Variants in CSMD3 observed in about 807,000 individuals in gnomAD.
The protein encoded by CSMD3 is CUB and Sushi multiple domains 3, also known as CUB and sushi domain-containing protein 3.
In CSMD3, 177 loss-of-function variants were observed where a neutral mutation model predicts 435.2. The ratio of observed to expected loss-of-function variants is 0.41; its 90% CI spans 0.36 to 0.46. The LOEUF (loss-of-function observed/expected upper bound fraction) is 0.46. Among genes scored for constraint, CSMD3 ranks in the 20% least tolerant of loss-of-function variants. CSMD3 has a pLI of 0.34. For missense variants in CSMD3, 4,265 were observed against 4,504.6 expected (o/e 0.95, Z 1.52); for synonymous variants, 1,656 against 1,520.5 (o/e 1.09, Z -2.07).
At chr8:112,868,673 A>C (rs2081051225) in intron 10 of CSMD3, among the ~76,000 whole-genome samples, 1 of 152,174 alleles carries the variant, frequency 6.6e-6, no homozygotes, top group Admixed American at 6.5e-5. Context: ...ACAGATAGAT[A>C]ATGAAACAGA....
intron 7 of CSMD3, among the ~76,000 whole-genome samples, chr8:112,969,408 T>A (rs931733604): frequency 1.3e-5 from 2 of 152,002 alleles, no homozygotes; most frequent in African/African-American, 2.4e-5. Flanking sequence ...CTAGAGTTTC[T>A]TTTAAGCTCT....
At chr8:112,955,225 A>C (rs1390689549) in intron 7 of CSMD3, among the ~76,000 whole-genome samples, 1 of 151,720 alleles carries the variant, frequency 6.6e-6, no homozygotes, top group Non-Finnish European at 1.5e-5. Context: ...TAAGAAAATG[A>C]CTTAATTAGA....
intron 4 of CSMD3, among the ~76,000 whole-genome samples, chr8:113,168,096 C>T (rs1360385973): frequency 2.0e-5 from 3 of 151,960 alleles, no homozygotes; most frequent in East Asian, 3.9e-4. Flanking sequence ...TCTTCTTTGG[C>T]GTAAAAGAGG....
chr8:113,247,241 G>A (rs949032373), intron 3 of CSMD3, among the ~76,000 whole-genome samples: 2 of 152,114 alleles, frequency 1.3e-5, no homozygotes, highest in African/African-American at 4.8e-5. Context: ...CTGGAGATAA[G>A]GATCTTCCCA....
intron 3 of CSMD3, among the ~76,000 whole-genome samples, chr8:113,228,495 A>G (rs373079458): frequency 5.9e-5 from 9 of 151,660 alleles, no homozygotes; most frequent in African/African-American, 1.9e-4. Context: ...TACATTCCCT[A>G]TACTGGAAAA....
At chr8:112,796,330 A>C (rs2078828574) in intron 13 of CSMD3, among the ~76,000 whole-genome samples, 2 of 152,124 alleles carry the variant, frequency 1.3e-5, no homozygotes. Context: ...TATGTTAGGC[A>C]TCAGGCTAGA....
intron 4 of CSMD3, among the ~76,000 whole-genome samples, chr8:113,155,618 A>G (rs1270628291): frequency 2.0e-5 from 3 of 152,074 alleles, no homozygotes; most frequent in Admixed American, 2.0e-4. Context: ...GTACAGTTGG[A>G]AAAACAAATC....
intron 3 of CSMD3, among the ~76,000 whole-genome samples, chr8:113,253,232 G>A (rs1464067461): frequency 6.6e-6 from 1 of 151,546 alleles, no homozygotes; most frequent in East Asian, 1.9e-4. Flanking sequence ...AAAAAAAACT[G>A]ACTTTTTTTT....
intron 6 of CSMD3, among the ~76,000 whole-genome samples, chr8:112,977,883 GATA>G (rs1168604885): frequency 2.0e-5 from 3 of 151,896 alleles, no homozygotes; most frequent in Non-Finnish European, 4.4e-5. Context: ...GCTAATATTT[GATA>G]ATAATTTTTT....
At chr8:112,525,053 T>C (rs534993161) in intron 27 of CSMD3, among the ~76,000 whole-genome samples, 15 of 151,976 alleles carry the variant, frequency 9.9e-5, no homozygotes, top group African/African-American at 3.6e-4. Flanking sequence ...ATACTATTTT[T>C]AATTGAGAAA....
chr8:112,246,529 G>A (rs1382236576), intron 64 of CSMD3, among the ~76,000 whole-genome samples: 4 of 152,190 alleles, frequency 2.6e-5, no homozygotes, highest in Non-Finnish European at 5.9e-5. Context: ...GCTCTCCACT[G>A]AGGATCAGAG....
chr8:112,478,779 C>G (rs1486352465), intron 31 of CSMD3, among the ~76,000 whole-genome samples: 1 of 152,114 alleles, frequency 6.6e-6, no homozygotes, highest in African/African-American at 2.4e-5. Context: ...AACCCGCGAC[C>G]CAGAGTGAGA....
intron 3 of CSMD3, among the ~76,000 whole-genome samples, chr8:113,188,662 G>T (rs918876058): frequency 2.0e-5 from 3 of 151,966 alleles, no homozygotes; most frequent in Admixed American, 6.6e-5. Flanking sequence ...AGAAGGGCTT[G>T]TTCCAGTTGG....
chr8:112,820,239 T>C (rs1372044420), intron 12 of CSMD3, among the ~76,000 whole-genome samples: 1 of 152,154 alleles, frequency 6.6e-6, no homozygotes, highest in Non-Finnish European at 1.5e-5. Flanking sequence ...TTTGAGGCAC[T>C]TGACATCAAA....
rs1203991072 is a variant in CSMD3 at position 112,794,285 on chromosome 8, C to CTT, written c.1972+5875_1972+5876dup. 3.8e-3 allele frequency among the ~76,000 whole-genome samples: 363 copies of CTT among 96,334 alleles called. 31 individuals are homozygous for CTT. The highest frequency in any genetic ancestry group is 0.011 in the African/African-American group (273 of 25,812). 63.2% of individuals were successfully genotyped at this position (96,334 alleles called of 152,430 possible). On this transcript the variant is annotated intron_variant, in intron 13 of 70. Transcript: ENST00000297405. ...TTGCCCCAGATGCTGGACTGATAAA[C>CTT]TTTTTTTTTTTTTTTTTTTTTTTTT... is the stretch of plus-strand genomic sequence containing the variant.
Position 112,223,127 on chromosome 8 carries a change from T to G in CSMD3, c.*1644A>C. 5.0e-6 allele frequency: 2 copies of G among 398,398 alleles called. No homozygotes were observed. The highest frequency in any genetic ancestry group is 8.9e-6 in the Non-Finnish European group (2 of 225,664). The allele number at this position is 398,398 out of a possible 1,614,324, so 24.7% of individuals were successfully genotyped here. ...ATTAGCCTTAACATTAATGAATGAA[T>G]CATTGTTATTGCAGTCATTTGAATA... On this transcript the variant is annotated 3_prime_UTR_variant, in exon 71 of 71. Transcript: ENST00000297405.
chr8:112,876,233 C>T (rs554339840), intron 10 of CSMD3, among the ~76,000 whole-genome samples: 4 of 152,102 alleles, frequency 2.6e-5, no homozygotes, highest in East Asian at 1.9e-4. Context: ...GATTCATAGC[C>T]AAACTCTATC....
chr8:112,861,697 G>C (rs1017040385), intron 10 of CSMD3, among the ~76,000 whole-genome samples: 1 of 151,870 alleles, frequency 6.6e-6, no homozygotes. Flanking sequence ...GTGTTTAGGT[G>C]CTAGTGGCCT....
chr8:112,434,200 T>C (rs1444075938), intron 32 of CSMD3, among the ~76,000 whole-genome samples: 1 of 152,156 alleles, frequency 6.6e-6, no homozygotes, highest in Non-Finnish European at 1.5e-5. Flanking sequence ...CAAAGTAACT[T>C]TGGACAAGTT....
Sources: allele counts gnomAD v4.1 joint callset (sites outside exome capture counted in the v4.1 genomes callset), GRCh38; gene constraint gnomAD v4.1.1; transcripts MANE v1.5; gene names NCBI Gene and HGNC (gene_info 2026-07-23, HGNC 2026-07-21).